The following HS6ST1 variants were observed in gnomAD, a reference collection of about 807,000 sequenced individuals.
HS6ST1 encodes heparan-sulfate 6-O-sulfotransferase 1.
HS6ST1 carries 3 observed loss-of-function variants against 25.2 expected under a neutral mutation model. The ratio of observed to expected loss-of-function variants is 0.12; its 90% CI spans 0.05 to 0.31. The LOEUF (loss-of-function observed/expected upper bound fraction) is 0.31. HS6ST1 is among the 10% of genes least tolerant of loss of function. The pLI, the probability that HS6ST1 is intolerant of heterozygous loss-of-function variation, is 1.00. For synonymous variants in HS6ST1, 204 were observed against 275.1 expected (o/e 0.74, Z 2.56); for missense variants, 310 against 609.6 (o/e 0.51, Z 5.18).
chr2:128,309,342 G>C (rs1694256243), intron 1 of HS6ST1, among the ~76,000 whole-genome samples: 1 of 152,252 alleles, frequency 6.6e-6, no homozygotes. Context: ...GGCAGGAATG[G>C]GGCCAGAGCT....
At position 128,279,327 on chromosome 2, in the gene HS6ST1, A is replaced by G. The variant is rs144916806; in HGVS notation, c.528-10457T>C. Among the ~76,000 whole-genome samples, 1,230 of 143,450 alleles carry G rather than the reference A, an allele frequency of 8.6e-3. 15 individuals carry two copies. Among genetic ancestry groups the G allele is most frequent in the African/African-American group, 0.029 (1,103 of 37,410 alleles). 94.1% of individuals were successfully genotyped at this position (143,450 alleles called of 152,430 possible). A position where few individuals can be genotyped will look rare whatever the true frequency, so the allele number is the denominator to read the frequency against. ...CTGTCATTTAGAGTCAGAATGACAG[A>G]ACCTTTTTTTTTTTTTTTTTTTTTT... On this transcript the variant is annotated intron_variant, in intron 1 of 1. Transcript: ENST00000259241.
At chr2:128,270,822 C>T (rs766508537) in intron 1 of HS6ST1, among the ~76,000 whole-genome samples, 27 of 152,210 alleles carry the variant, frequency 1.8e-4, no homozygotes, top group Non-Finnish European at 2.5e-4. Context: ...GAAGCTTGCC[C>T]TCCTAGCCCC....
intron 1 of HS6ST1, among the ~76,000 whole-genome samples, chr2:128,281,552 G>A (rs1433500967): frequency 6.6e-6 from 1 of 152,220 alleles, no homozygotes; most frequent in East Asian, 1.9e-4. Flanking sequence ...AGTCACCTTG[G>A]ACCATGAGGC....
At chr2:128,283,411 G>A (rs1693814529) in intron 1 of HS6ST1, among the ~76,000 whole-genome samples, 1 of 152,232 alleles carries the variant, frequency 6.6e-6, no homozygotes, top group Admixed American at 6.5e-5. Context: ...AAATGACGGG[G>A]AGCAATCCCA....
chr2:128,309,243 T>C (rs1023441051), intron 1 of HS6ST1, among the ~76,000 whole-genome samples: 2 of 152,212 alleles, frequency 1.3e-5, no homozygotes, highest in African/African-American at 4.8e-5. Context: ...GGGTGAAGGA[T>C]AGTGTGGAGC....
intron 1 of HS6ST1, among the ~76,000 whole-genome samples, chr2:128,303,782 C>T (rs1165812626): frequency 6.6e-6 from 1 of 152,228 alleles, no homozygotes; most frequent in Non-Finnish European, 1.5e-5. Flanking sequence ...GTGGTGGCTA[C>T]TTTTAGGTGT....
In HS6ST1 at chr2:128,293,169, G is replaced by A. The variant is rs561615233; in HGVS notation, c.528-24299C>T. Among the ~76,000 whole-genome samples, 16 of 152,330 alleles carry A rather than the reference G, an allele frequency of 1.1e-4. No individual in the cohort carries two copies. In the East Asian group the frequency reaches 3.1e-3, roughly 29 times the overall value. On this transcript the variant is annotated intron_variant, in intron 1 of 1. Coordinates refer to ENST00000259241, the MANE Select transcript of HS6ST1 (RefSeq NM_004807.3). The stretch of plus-strand genomic sequence containing the variant: ...GCCCAAACCAGCCAGGCACTCCAGC[G>A]TCCCACCCGCACACCCTGTCTCCTG...
intron 1 of HS6ST1, among the ~76,000 whole-genome samples, chr2:128,299,950 T>C (rs1694098659): frequency 6.6e-6 from 1 of 152,122 alleles, no homozygotes; most frequent in Non-Finnish European, 1.5e-5. Context: ...GGCAGAGGGC[T>C]ACCCCACCTC....
intron 1 of HS6ST1, among the ~76,000 whole-genome samples, chr2:128,303,181 G>A (rs1202258608): frequency 3.9e-5 from 6 of 152,258 alleles, no homozygotes; most frequent in African/African-American, 9.6e-5. Context: ...CACTCTCGAC[G>A]TTCTCTGAAA....
intron 1 of HS6ST1, among the ~76,000 whole-genome samples, chr2:128,300,570 C>T (rs1294291294): frequency 6.6e-6 from 1 of 152,174 alleles, no homozygotes; most frequent in Non-Finnish European, 1.5e-5. Context: ...TAGGGAGGGA[C>T]AGCTGGGACC....
chr2:128,299,744 G>T (rs540616772), intron 1 of HS6ST1, among the ~76,000 whole-genome samples: 4 of 152,330 alleles, frequency 2.6e-5, no homozygotes, highest in African/African-American at 7.2e-5. Context: ...AGAGACAGAG[G>T]CACACAGGGT....
rs1188840703 is a variant in HS6ST1, at chr2:128,267,577, G to A, written c.*585C>T. On this transcript the variant is annotated 3_prime_UTR_variant, in exon 2 of 2. Transcript: ENST00000259241. ...CAGGCTTCCTGGGGGCTGGACTCGA[G>A]TCTTCTCTGCCTCAGATGGGGTGGG... 1 of 157,512 alleles carries A rather than the reference G, an allele frequency of 6.3e-6. No homozygotes were observed. The highest frequency in any genetic ancestry group is 1.4e-5 in the Non-Finnish European group (1 of 71,068). 9.8% of individuals were successfully genotyped at this position (157,512 alleles called of 1,614,324 possible). A position where few individuals can be genotyped will look rare whatever the true frequency, so the allele number is the denominator to read the frequency against.
At chr2:128,290,013 A>C (rs1221886162) in intron 1 of HS6ST1, 1 of 152,242 alleles carries the variant, frequency 6.6e-6, no homozygotes, top group Non-Finnish European at 1.5e-5. Context: ...AAAATGCAAA[A>C]GCATGTATAT....
At chr2:128,303,512 C>A (rs945430960) in intron 1 of HS6ST1, among the ~76,000 whole-genome samples, 10 of 152,214 alleles carry the variant, frequency 6.6e-5, no homozygotes, top group African/African-American at 2.2e-4. Context: ...CATGCAAAAC[C>A]CTGAGCTTAA....
rs1380770244 is a variant in HS6ST1 at position 128,318,480 on chromosome 2, G to A, written c.84C>T (p.Phe28=). 4 of 1,559,166 alleles carry A rather than the reference G, an allele frequency of 2.6e-6. No homozygotes were observed. In the East Asian group the frequency reaches 7.2e-5, roughly 28 times the overall value. ...CCGCGTACTGGTACAAGATGAGCAT[G>A]AAGCACACCGAGCCCGCCACCACCA... ...FVLVVAGSVC[F]MLILYQYAGP... is the part of the protein sequence containing the mutation. Residue 28 remains phenylalanine (F), a synonymous_variant, in exon 1 of 2, where the codon TTC becomes TTT. Coordinates refer to ENST00000259241, the MANE Select transcript of HS6ST1 (RefSeq NM_004807.3). The surrounding 1 kb of genome is among the most constrained non-coding windows in gnomAD (Gnocchi z 5.7).
intron 1 of HS6ST1, among the ~76,000 whole-genome samples, chr2:128,314,821 A>AGAT (rs1483475476): frequency 6.6e-6 from 1 of 152,248 alleles, no homozygotes; most frequent in Non-Finnish European, 1.5e-5. Context: ...CTTGGGCTCC[A>AGAT]GATGCCCTCC....
intron 1 of HS6ST1, chr2:128,290,306 T>C (rs1336622910): frequency 6.6e-6 from 1 of 152,116 alleles, no homozygotes. Context: ...CAAACCCTCC[T>C]AGACAAGAGT....
intron 1 of HS6ST1, among the ~76,000 whole-genome samples, chr2:128,313,260 A>G (rs1694316929): frequency 6.6e-6 from 1 of 152,202 alleles, no homozygotes; most frequent in Admixed American, 6.5e-5. Context: ...AATCAGAGCT[A>G]TGCAGAACAT....
chr2:128,271,876 C>A (rs988265743), intron 1 of HS6ST1, among the ~76,000 whole-genome samples: 1 of 152,198 alleles, frequency 6.6e-6, no homozygotes, highest in African/African-American at 2.4e-5. Context: ...CAAGCTCGAG[C>A]GGCTGCCACT....
Sources: allele counts gnomAD v4.1 joint callset (sites outside exome capture counted in the v4.1 genomes callset), GRCh38; gene constraint gnomAD v4.1.1; non-coding constraint Gnocchi (gnomAD v3.1); transcripts MANE v1.5; gene names NCBI Gene and HGNC (gene_info 2026-07-23, HGNC 2026-07-21).